Variants in KDM2B observed in about 807,000 individuals in gnomAD.
KDM2B encodes the protein lysine demethylase 2B.
KDM2B carries 26 observed loss-of-function variants against 150.0 expected under a neutral mutation model. That is an observed-to-expected ratio of 0.17 (90% confidence interval 0.13 to 0.24). KDM2B has a LOEUF of 0.24. Among genes scored for constraint, KDM2B ranks in the 10% least tolerant of loss-of-function variants. The probability of loss-of-function intolerance (pLI) is 1.00; values close to 1 mark genes in which losing one functional copy is unlikely to be tolerated. For synonymous variants in KDM2B, 734 were observed against 729.5 expected, an observed-to-expected ratio of 1.01 and a Z score of -0.10; for missense variants, 1,265 against 1,816.9, an observed-to-expected ratio of 0.70 and a Z score of 5.52.
At chr12:121,528,376 T>C (rs1422882447) in intron 8 of KDM2B, among the ~76,000 whole-genome samples, 1 of 151,866 alleles carries the variant, frequency 6.6e-6, no homozygotes, top group Non-Finnish European at 1.5e-5. Flanking sequence ...TTGATCAACA[T>C]GGAAAAACCC....
At chr12:121,485,725 C>T (rs544643483) in intron 12 of KDM2B, among the ~76,000 whole-genome samples, 6 of 151,666 alleles carry the variant, frequency 4.0e-5, no homozygotes, top group East Asian at 3.9e-4. Context: ...CTGCACAACA[C>T]GTTCAATAAT....
intron 6 of KDM2B, chr12:121,536,188 G>A: frequency 6.9e-6 from 5 of 729,018 alleles, no homozygotes; most frequent in Non-Finnish European, 6.7e-6. Flanking sequence ...CCTCCCTCTG[G>A]CTGCCTTTTG....
chr12:121,409,006 C>T, the KDM2B span, among the ~76,000 whole-genome samples: 6 of 151,462 alleles, frequency 4.0e-5, no homozygotes, highest in African/African-American at 7.3e-5. Context: ...GAGTCTTGCT[C>T]GGTCACCCAG....
At chr12:121,487,160 G>A (rs1555299050) in intron 12 of KDM2B, among the ~76,000 whole-genome samples, 1 of 152,018 alleles carries the variant, frequency 6.6e-6, no homozygotes, top group African/African-American at 2.4e-5. Flanking sequence ...AGAAAGGAAA[G>A]AAACAAAAGA....
At chr12:121,522,730 C>T (rs564474700) in intron 8 of KDM2B, among the ~76,000 whole-genome samples, 26 of 151,958 alleles carry the variant, frequency 1.7e-4, no homozygotes, top group Admixed American at 5.9e-4. Context: ...TGCCTGTAGT[C>T]CCAGCTACTT....
chr12:121,573,219 A>G (rs910057566), intron 4 of KDM2B, among the ~76,000 whole-genome samples: 6 of 151,472 alleles, frequency 4.0e-5, no homozygotes, highest in Non-Finnish European at 7.4e-5. Context: ...TCAGCCTCCC[A>G]AAGTGCTAGG....
chr12:121,578,812 C>T lies in KDM2B; in HGVS notation c.261G>A (p.Met87Ile). 6.3e-7 allele frequency: 1 copy of T among 1,583,764 alleles called. No individual in the cohort carries two copies. The highest frequency in any genetic ancestry group is 8.6e-7 in the Non-Finnish European group (1 of 1,163,434). Residue 87 changes from methionine to isoleucine, a missense_variant, in exon 2 of 23, where the codon ATG becomes ATA. By Grantham distance (10) the Met-to-Ile change is conservative. Coordinates refer to ENST00000377071, the MANE Select transcript of KDM2B (RefSeq NM_032590.5). ...QLYQGDFVHA[M>I]EGKDFNYEYV... ...GTGGGGGCGCCTCACCTTTGCCCTC[C>T]ATGGCGTGCACGAAGTCCCCCTGGT...
At chr12:121,417,701 A>G in the KDM2B span, 2 of 1,614,124 alleles carry the variant, frequency 1.2e-6, no homozygotes, top group Non-Finnish European at 1.7e-6. This position sits in a 1 kb window ranked among gnomAD's most constrained non-coding sequence, Gnocchi z 5.0. Context: ...GTGAGAAAGA[A>G]GACTTGGTGG....
upstream of KDM2B, among the ~76,000 whole-genome samples, chr12:121,581,737 TTA>T (rs1891973366): frequency 6.6e-6 from 1 of 152,066 alleles, no homozygotes; most frequent in South Asian, 2.1e-4. Context: ...CTCAGAGAAA[TTA>T]TGAATCTGAA....
rs57417357 is a variant in KDM2B at position 121,446,159 on chromosome 12, G to A, written c.1960-741C>T. Among the ~76,000 whole-genome samples, 4 of 152,190 alleles carry A rather than the reference G, an allele frequency of 2.6e-5. No homozygotes were observed. The South Asian group carries it at 8.3e-4, about 32-fold the overall frequency. On this transcript the variant is annotated intron_variant, in intron 13 of 22. Transcript: ENST00000377071. ...GCCTGTAATCCCAGCACTTTGGGAG[G>A]CCAAGGCGGGCGGATCACAAGGTCA...
At chr12:121,457,739 T>TACACACACACAC (rs138823282) in intron 12 of KDM2B, among the ~76,000 whole-genome samples, 50 of 145,096 alleles carry the variant, frequency 3.4e-4, no homozygotes, top group Admixed American at 6.3e-4. Context: ...ATCGGAAACA[T>TACACACACACAC]ACACACACAC....
intron 4 of KDM2B, among the ~76,000 whole-genome samples, chr12:121,552,409 A>G (rs1369551893): frequency 6.6e-6 from 1 of 152,208 alleles, no homozygotes; most frequent in Non-Finnish European, 1.5e-5. Flanking sequence ...GCAGTGGCTC[A>G]TGCCTGTAAT....
Position 121,575,954 on chromosome 12 carries a change from A to C in KDM2B, c.272-95T>G. On this transcript the variant is annotated intron_variant, in intron 2 of 22. Coordinates refer to ENST00000377071, the MANE Select transcript of KDM2B (RefSeq NM_032590.5). This position sits in a 1 kb window ranked among gnomAD's most constrained non-coding sequence, Gnocchi z 4.4. Reference sequence around the variant, plus strand: ...TTAGGGGAAGAAAACTGATGGACGAAGGGGCAGGGGGTCCAGGAGATGCAG... The same window carrying C: ...TTAGGGGAAGAAAACTGATGGACGACGGGGCAGGGGGTCCAGGAGATGCAG... 1.1e-6 allele frequency: 1 copy of C among 878,792 alleles called. No homozygotes were observed. Among genetic ancestry groups the C allele is most frequent in the East Asian group, 2.4e-5 (1 of 41,166 alleles). The allele number at this position is 878,792 out of a possible 1,614,324, so 54.4% of individuals were successfully genotyped here.
At chr12:121,450,186 T>G (rs1225557151) in intron 13 of KDM2B, among the ~76,000 whole-genome samples, 1 of 151,882 alleles carries the variant, frequency 6.6e-6, no homozygotes, top group Non-Finnish European at 1.5e-5. Flanking sequence ...TGGAGGTATG[T>G]GCCTGTAACT....
intron 6 of KDM2B, among the ~76,000 whole-genome samples, chr12:121,547,783 C>T (rs1376744658): frequency 1.3e-5 from 2 of 151,488 alleles, no homozygotes; most frequent in African/African-American, 4.9e-5. Flanking sequence ...GCTGGAATTA[C>T]AGGCGTGCAC....
chr12:121,557,231 ATTTTTTT>A (rs142679491), intron 4 of KDM2B, among the ~76,000 whole-genome samples: 3 of 103,724 alleles, frequency 2.9e-5, no homozygotes, highest in Non-Finnish European at 3.6e-5. Flanking sequence ...AGACAAGAGA[ATTTTTTT>A]TTTTTTTTTT....
chr12:121,453,069 G>C lies in KDM2B; in HGVS notation c.1959+51C>G, dbSNP rs782465784. 2.5e-5 allele frequency: 36 copies of C among 1,468,704 alleles called. No individual in the cohort carries two copies. The highest frequency in any genetic ancestry group is 3.3e-5 in the Non-Finnish European group (36 of 1,092,170). The allele number at this position is 1,468,704 out of a possible 1,614,324, so 91.0% of individuals were successfully genotyped here. On this transcript the variant is annotated intron_variant, in intron 13 of 22. Coordinates refer to ENST00000377071, the MANE Select transcript of KDM2B (RefSeq NM_032590.5). The surrounding 1 kb of genome is among the most constrained non-coding windows in gnomAD (Gnocchi z 6.4). ...CGAGCAGCGGTCAGACACGCGGGCC[G>C]GCACGCAGGGGCCTGAATCGAGCGC...
At chr12:121,532,692 A>G in intron 8 of KDM2B, 114 bp downstream of exon 8, 1 of 1,081,972 alleles carries the variant, frequency 9.2e-7, no homozygotes. Context: ...CCCCTCGGGG[A>G]CTGCCAATGG....
chr12:121,484,763 A>G (rs528715423), intron 12 of KDM2B, among the ~76,000 whole-genome samples: 1 of 152,266 alleles, frequency 6.6e-6, no homozygotes, highest in African/African-American at 2.4e-5. Flanking sequence ...GGCTGCAGTG[A>G]GCTGTGATTG....
Sources: gnomAD v4.1 joint callset for allele counts (sites outside exome capture counted in the v4.1 genomes callset) on GRCh38, gnomAD v4.1.1 for gene constraint, Gnocchi (gnomAD v3.1) non-coding constraint, MANE v1.5 for transcripts, NCBI Gene and HGNC (gene_info 2026-07-23, HGNC 2026-07-21) for gene names.